Variants in CSMD2 observed in about 807,000 individuals in gnomAD.
CSMD2 encodes CUB and Sushi multiple domains 2.
CSMD2 carries 130 observed loss-of-function variants against 398.5 expected under a neutral mutation model. The observed-to-expected ratio is 0.33, with a 90% CI of 0.28 to 0.38. The LOEUF (loss-of-function observed/expected upper bound fraction) is 0.38. CSMD2 is among the 10% of genes least tolerant of loss of function. The pLI, the probability that CSMD2 is intolerant of heterozygous loss-of-function variation, is 1.00. For missense variants in CSMD2, 3,829 were observed against 4,764.9 expected (o/e 0.80, Z 5.78); for synonymous variants, 1,828 against 1,908.5 (o/e 0.96, Z 1.10).
Position 33,635,128 on chromosome 1 carries a change from A to G in CSMD2, c.5086+86T>C. Reference sequence around the variant, plus strand: ...GATTCCCACAATGGGGCTGTATATAATTGGGAGGCGTCTGAGGAATTGCTC... The same window carrying G: ...GATTCCCACAATGGGGCTGTATATAGTTGGGAGGCGTCTGAGGAATTGCTC... On this transcript the variant is annotated intron_variant, in intron 31 of 70. Transcript: ENST00000373381. The surrounding 1 kb of genome is among the most constrained non-coding windows in gnomAD (Gnocchi z 5.0). The G allele has an allele frequency of 2.5e-6, 2 of 806,140 alleles. No individual in the cohort carries two copies. Among genetic ancestry groups the G allele is most frequent in the Non-Finnish European group, 4.2e-6 (2 of 472,794 alleles). 49.9% of individuals were successfully genotyped at this position (806,140 alleles called of 1,614,324 possible). A position where few individuals can be genotyped will look rare whatever the true frequency, so the allele number is the denominator to read the frequency against.
chr1:33,677,830 C>T (rs910912261), intron 25 of CSMD2, among the ~76,000 whole-genome samples: 13 of 151,242 alleles, frequency 8.6e-5, no homozygotes, highest in Non-Finnish European at 1.6e-4. Context: ...AAGCTGGGAA[C>T]CATCATTCTC....
At chr1:33,673,794 G>A (rs1018063149) in intron 25 of CSMD2, among the ~76,000 whole-genome samples, 29 of 152,306 alleles carry the variant, frequency 1.9e-4, no homozygotes, top group African/African-American at 7.0e-4. Context: ...AGAAGAGAGT[G>A]GGGACCAATA....
intron 29 of CSMD2, among the ~76,000 whole-genome samples, chr1:33,645,824 A>C (rs942375424): frequency 2.6e-5 from 4 of 152,228 alleles, no homozygotes; most frequent in African/African-American, 9.6e-5. Context: ...CGCAAATGTT[A>C]AGTCATAAAC....
At chr1:34,152,114 C>T (rs1640381928) in intron 1 of CSMD2, among the ~76,000 whole-genome samples, 1 of 152,154 alleles carries the variant, frequency 6.6e-6, no homozygotes, top group African/African-American at 2.4e-5. Flanking sequence ...GCCTTCCAAA[C>T]TGCTGGGATG....
At chr1:34,052,719 G>A (rs1653353414) in intron 2 of CSMD2, among the ~76,000 whole-genome samples, 1 of 152,116 alleles carries the variant, frequency 6.6e-6, no homozygotes, top group Admixed American at 6.5e-5. Context: ...GCTTACTCTA[G>A]TATGCTCAGT....
chr1:33,639,001 A>G (rs922974455), intron 29 of CSMD2, among the ~76,000 whole-genome samples: 2 of 152,248 alleles, frequency 1.3e-5, no homozygotes, highest in Non-Finnish European at 2.9e-5. Context: ...CACTTAACAA[A>G]TATCTTCAGT....
intron 2 of CSMD2, among the ~76,000 whole-genome samples, chr1:34,066,916 A>G (rs1655180025): frequency 6.6e-6 from 1 of 152,130 alleles, no homozygotes; most frequent in Non-Finnish European, 1.5e-5. Flanking sequence ...GAAACATCAC[A>G]AATTCCTGGA....
At chr1:33,693,661 CAT>C (rs1260099576) in intron 24 of CSMD2, among the ~76,000 whole-genome samples, 3 of 152,156 alleles carry the variant, frequency 2.0e-5, no homozygotes, top group African/African-American at 7.2e-5. Flanking sequence ...CAACGTTATT[CAT>C]AGTTATCAAA....
At chr1:34,057,257 C>G (rs1347777239) in intron 2 of CSMD2, among the ~76,000 whole-genome samples, 1 of 152,120 alleles carries the variant, frequency 6.6e-6, no homozygotes, top group East Asian at 1.9e-4. Flanking sequence ...CTTCCAAGGG[C>G]TGGAATCACA....
chr1:33,964,881 G>A (rs1483849438), intron 3 of CSMD2, among the ~76,000 whole-genome samples: 1 of 152,220 alleles, frequency 6.6e-6, no homozygotes, highest in Non-Finnish European at 1.5e-5. Context: ...TGTGCTCTGT[G>A]TCCTCGTTTA....
chr1:34,148,350 A>G (rs552017996), intron 1 of CSMD2, among the ~76,000 whole-genome samples: 2 of 152,220 alleles, frequency 1.3e-5, no homozygotes, highest in African/African-American at 2.4e-5. Flanking sequence ...CCCCTTGCCC[A>G]GTCTCTCAGC....
chr1:33,590,223 G>A (rs1216098563), intron 44 of CSMD2, among the ~76,000 whole-genome samples: 2 of 150,240 alleles, frequency 1.3e-5, no homozygotes, highest in African/African-American at 2.5e-5. Flanking sequence ...CTGGGCTTAA[G>A]CTATCCTCTC....
At chr1:33,572,875 T>A (rs1570777713) in intron 49 of CSMD2, among the ~76,000 whole-genome samples, 184 bp from the exon 50 acceptor site, 1 of 148,832 alleles carries the variant, frequency 6.7e-6, no homozygotes, top group African/African-American at 2.5e-5. Context: ...TTTTTTTTTT[T>A]AAGTTTGGAA....
chr1:33,944,236 C>CG (rs1459324500), intron 3 of CSMD2, among the ~76,000 whole-genome samples: 1 of 152,006 alleles, frequency 6.6e-6, no homozygotes, highest in African/African-American at 2.4e-5. Flanking sequence ...GAACGCCCCC[C>CG]CCCCAACTCC....
rs1023318402 is a variant in CSMD2, at chr1:33,862,561, AG to A, written c.921-15566del. 4.6e-5 allele frequency: 7 copies of A among 152,310 alleles called. No homozygotes were observed. In the East Asian group the frequency reaches 1.2e-3, roughly 25 times the overall value. 9.4% of individuals were successfully genotyped at this position (152,310 alleles called of 1,614,324 possible). ...CTCTGGCCCCTTGGGAGAAAGAGCCAGGGGGAAAAAGGCTACCTAGGCTGAG... is the reference window on the plus strand; with the variant it reads ...CTCTGGCCCCTTGGGAGAAAGAGCCAGGGGAAAAAGGCTACCTAGGCTGAG... On this transcript the variant is annotated intron_variant, in intron 5 of 70. Transcript: ENST00000373381.
chr1:33,650,272 T>C (rs543040643), intron 28 of CSMD2, among the ~76,000 whole-genome samples: 5 of 152,166 alleles, frequency 3.3e-5, no homozygotes, highest in African/African-American at 4.8e-5. Flanking sequence ...GTGACAGATA[T>C]ATCAACAACA....
chr1:33,611,313 C>T, intron 40 of CSMD2, 63 bp from the exon 41 acceptor site: 1 of 1,391,064 alleles, frequency 7.2e-7, no homozygotes. Flanking sequence ...AGTGTGCTGC[C>T]TCATGAAAGC....
In CSMD2 at chr1:33,663,019, C is replaced by T. The variant is rs368584183; in HGVS notation, c.4126G>A (p.Gly1376Arg). 86 of 1,614,070 alleles carry T rather than the reference C, an allele frequency of 5.3e-5. No individual in the cohort carries two copies. Among genetic ancestry groups the T allele is most frequent in the Admixed American group, 1.5e-4 (9 of 60,010 alleles). Residue 1376 changes from glycine to arginine, a missense_variant, in exon 26 of 71, where the codon GGG becomes AGG. Gly to Arg is a moderately radical substitution (Grantham distance 125). Around this residue, in one of 5 missense-constraint regions of CSMD2, gnomAD observed 2,001 missense variants for 2,567.1 expected, o/e 0.78. Transcript: ENST00000373381. ...CCACTCAGCTCCTTCAGCAGAACCC[C>T]GCTCTCCACAGGCCCATCCCAGATG... Reference protein sequence around the residue: ...LRIWDGPVESGVLLKELSGPA... With the variant: ...LRIWDGPVESRVLLKELSGPA...
chr1:33,745,820 T>C (rs1176860044), intron 13 of CSMD2, among the ~76,000 whole-genome samples: 1 of 152,174 alleles, frequency 6.6e-6, no homozygotes, highest in Admixed American at 6.5e-5. Flanking sequence ...TGGCAATTAT[T>C]ATTATATATT....
Sources: gnomAD v4.1 joint callset for allele counts (sites outside exome capture counted in the v4.1 genomes callset) on GRCh38, gnomAD v4.1.1 for gene constraint, gnomAD v4.1.1 regional missense constraint, Gnocchi (gnomAD v3.1) non-coding constraint, MANE v1.5 for transcripts, NCBI Gene and HGNC (gene_info 2026-07-23, HGNC 2026-07-21) for gene names.